The following UBASH3B variants were observed in gnomAD, a reference collection of about 807,000 sequenced individuals.
The protein encoded by UBASH3B is ubiquitin-associated and SH3 domain-containing protein B.
In UBASH3B, 37 loss-of-function variants were observed where a neutral mutation model predicts 83.4. The ratio of observed to expected loss-of-function variants is 0.44; its 90% CI spans 0.34 to 0.58. The LOEUF is 0.58. UBASH3B is among the 20% of genes least tolerant of loss of function. UBASH3B has a pLI of 0.01. For missense variants in UBASH3B, 657 were observed against 827.2 expected (o/e 0.79, Z 2.52); for synonymous variants, 304 against 318.3 (o/e 0.96, Z 0.48).
At chr11:122,661,988 C>T (rs376189118) in intron 1 of UBASH3B, among the ~76,000 whole-genome samples, 13 of 149,830 alleles carry the variant, frequency 8.7e-5, no homozygotes, top group East Asian at 7.9e-4. Flanking sequence ...CTCACTGCAA[C>T]CTCTGCCTCC....
chr11:122,699,525 T>TTCTG (rs1275933949), intron 1 of UBASH3B, among the ~76,000 whole-genome samples: 1 of 106,134 alleles, frequency 9.4e-6, no homozygotes, highest in South Asian at 3.1e-4. Flanking sequence ...TTCTCTTTCT[T>TTCTG]TCTTTCTCTT....
chr11:122,681,138 C>G (rs2135909141), intron 1 of UBASH3B, among the ~76,000 whole-genome samples: 1 of 152,262 alleles, frequency 6.6e-6, no homozygotes, highest in East Asian at 1.9e-4. Flanking sequence ...AAACCTTGCT[C>G]TTTCATAGTA....
At chr11:122,672,366 C>T (rs1863607894) in intron 1 of UBASH3B, among the ~76,000 whole-genome samples, 1 of 151,896 alleles carries the variant, frequency 6.6e-6, no homozygotes, top group Admixed American at 6.6e-5. Context: ...GTCACCCAGG[C>T]TGGAGTCCAG....
intron 10 of UBASH3B, among the ~76,000 whole-genome samples, chr11:122,800,195 A>G (rs188792291): frequency 6.6e-6 from 1 of 152,284 alleles, no homozygotes; most frequent in African/African-American, 2.4e-5. Context: ...GGATACTCAG[A>G]GACTATCTGA....
At chr11:122,670,719 C>A (rs1476918877) in intron 1 of UBASH3B, among the ~76,000 whole-genome samples, 1 of 152,092 alleles carries the variant, frequency 6.6e-6, no homozygotes, top group African/African-American at 2.4e-5. Context: ...TCCTCCCCAG[C>A]CTCCTCAAGA....
chr11:122,812,154 T>C lies in UBASH3B; in HGVS notation c.*2268T>C, dbSNP rs1465488036. ...GGACACTGCCTTAGGCAATGGTCTATATAAGCAAAAGGAGATAGAGATCTG... is the reference window on the plus strand; with the variant it reads ...GGACACTGCCTTAGGCAATGGTCTACATAAGCAAAAGGAGATAGAGATCTG... On this transcript the variant is annotated 3_prime_UTR_variant, in exon 14 of 14. Transcript: ENST00000284273. 1 of 152,242 alleles carries C rather than the reference T, an allele frequency of 6.6e-6. No individual in the cohort carries two copies. The highest frequency in any genetic ancestry group is 1.5e-5 in the Non-Finnish European group (1 of 68,044). 9.4% of individuals were successfully genotyped at this position (152,242 alleles called of 1,614,324 possible). A position where few individuals can be genotyped will look rare whatever the true frequency, so the allele number is the denominator to read the frequency against.
At chr11:122,774,004 A>G (rs1457941673) in intron 1 of UBASH3B, 13 of 985,234 alleles carry the variant, frequency 1.3e-5, no homozygotes, top group Non-Finnish European at 1.6e-5. Context: ...CAGAGATTCT[A>G]ACCTCTAAAA....
Position 122,769,402 on chromosome 11 carries a change from T to TG in UBASH3B, c.162-6813dup, listed in dbSNP as rs1453656352. 8.5e-5 allele frequency among the ~76,000 whole-genome samples: 13 copies of TG among 152,268 alleles called. No individual in the cohort carries two copies. The South Asian group carries it at 2.3e-3, about 27-fold the overall frequency. On this transcript the variant is annotated intron_variant, in intron 1 of 13. Transcript: ENST00000284273. ...GATCAAATTTCAACATGAGACTTGG[T>TG]GGGGTCAAGCAATGCCATGCCATAA...
chr11:122,687,826 T>A (rs1300948542), intron 1 of UBASH3B, among the ~76,000 whole-genome samples: 1 of 152,128 alleles, frequency 6.6e-6, no homozygotes, highest in Non-Finnish European at 1.5e-5. Context: ...GATGAGAGAA[T>A]TTGCCAAGTC....
At chr11:122,707,509 A>C (rs1271858555) in intron 1 of UBASH3B, among the ~76,000 whole-genome samples, 2 of 152,010 alleles carry the variant, frequency 1.3e-5, no homozygotes, top group African/African-American at 4.8e-5. Context: ...CTTTCTCACT[A>C]AGTTGTGAGG....
chr11:122,799,761 G>A (rs893257408), intron 10 of UBASH3B, among the ~76,000 whole-genome samples: 2 of 152,168 alleles, frequency 1.3e-5, no homozygotes, highest in Non-Finnish European at 2.9e-5. Flanking sequence ...GACTTTAAAA[G>A]CACCATTGCT....
At chr11:122,775,790 A>T (rs1348192151) in intron 1 of UBASH3B, 1 of 158,466 alleles carries the variant, frequency 6.3e-6, no homozygotes, top group Non-Finnish European at 1.4e-5. Context: ...AGAAAAAAGA[A>T]AAAAGAAAAC....
At chr11:122,726,645 C>T (rs1024539250) in intron 1 of UBASH3B, among the ~76,000 whole-genome samples, 2 of 152,178 alleles carry the variant, frequency 1.3e-5, no homozygotes, top group Non-Finnish European at 2.9e-5. Flanking sequence ...CCAGCACCAA[C>T]ATTTCTTTAT....
At chr11:122,701,900 G>A (rs997766679) in intron 1 of UBASH3B, among the ~76,000 whole-genome samples, 6 of 151,998 alleles carry the variant, frequency 3.9e-5, no homozygotes, top group African/African-American at 1.5e-4. Flanking sequence ...TGTCACCCAG[G>A]CTGGCATGTA....
At position 122,796,917 on chromosome 11, in the gene UBASH3B, A is replaced by T. The variant is rs776774793; in HGVS notation, c.1241A>T (p.Tyr414Phe). ...TAACCTCTTTGTTTTTCAGGCCGCT[A>T]CATACGCACCAACCTGAACATGCCT... is the stretch of plus-strand genomic sequence containing the variant. ...LSQCFDAKGRYIRTNLNMPHS... is the reference protein window; with the variant it reads ...LSQCFDAKGRFIRTNLNMPHS... The change falls in exon 9 of 14, where the codon TAC (tyrosine) becomes TTC (phenylalanine). Residue 414 changes from tyrosine (Y) to phenylalanine (F), a missense_variant. This residue lies in a region of UBASH3B where 573 missense variants were observed against 739.0 expected (regional missense o/e 0.78). Transcript: ENST00000284273. 1.9e-6 allele frequency: 3 copies of T among 1,614,202 alleles called. No individual in the cohort carries two copies. Among genetic ancestry groups the T allele is most frequent in the Non-Finnish European group, 2.5e-6 (3 of 1,180,026 alleles).
intron 1 of UBASH3B, among the ~76,000 whole-genome samples, chr11:122,711,015 A>G (rs1439061256): frequency 6.6e-6 from 1 of 152,224 alleles, no homozygotes; most frequent in African/African-American, 2.4e-5. Flanking sequence ...ATAAGGTCCC[A>G]GCAAAGTCAA....
chr11:122,729,980 A>AAAG (rs1423571921), intron 1 of UBASH3B, among the ~76,000 whole-genome samples: 4 of 134,364 alleles, frequency 3.0e-5, no homozygotes, highest in African/African-American at 1.2e-4. Flanking sequence ...CTATCTAAAA[A>AAAG]AAAAAAAAAA....
At chr11:122,656,797 CAGA>C (rs1863370715) in intron 1 of UBASH3B, among the ~76,000 whole-genome samples, 1 of 152,188 alleles carries the variant, frequency 6.6e-6, no homozygotes, top group African/African-American at 2.4e-5. Flanking sequence ...AGGATGGAAT[CAGA>C]AGGAGAAGCG....
intron 7 of UBASH3B, among the ~76,000 whole-genome samples, chr11:122,795,060 G>A (rs757820876): frequency 2.6e-5 from 4 of 152,176 alleles, no homozygotes; most frequent in South Asian, 4.1e-4. Flanking sequence ...CATAAGGAAC[G>A]TTGTTCCACA....
Sources: allele counts gnomAD v4.1 joint callset (sites outside exome capture counted in the v4.1 genomes callset), GRCh38; gene constraint gnomAD v4.1.1; regional missense constraint gnomAD v4.1.1; transcripts MANE v1.5; gene names NCBI Gene and HGNC (gene_info 2026-07-23, HGNC 2026-07-21).